NUP214: variants seen among roughly 807,000 people sequenced by gnomAD.
NUP214 encodes the protein nuclear pore complex protein Nup214.
NUP214 carries 79 observed loss-of-function variants against 196.2 expected under a neutral mutation model. That is an observed-to-expected ratio of 0.40 (90% CI 0.34 to 0.49). NUP214 has a LOEUF of 0.49. Ranked by LOEUF, NUP214 falls within the 20% of genes least tolerant of loss-of-function variation. The pLI is 0.58. For synonymous variants in NUP214, 1,020 were observed against 990.5 expected (o/e 1.03, Z -0.56); for missense variants, 2,468 against 2,539.0 (o/e 0.97, Z 0.60).
intron 13 of NUP214, 47 bp from the exon 14 acceptor site, chr9:131,147,443 A>G: frequency 7.5e-7 from 1 of 1,342,142 alleles, no homozygotes; most frequent in Non-Finnish European, 1.1e-6. Flanking sequence ...TAGGAGAAAT[A>G]AAGGTAATAA....
intron 32 of NUP214, among the ~76,000 whole-genome samples, chr9:131,226,398 G>A (rs1251590590): frequency 6.6e-6 from 1 of 152,002 alleles, no homozygotes; most frequent in African/African-American, 2.4e-5. Context: ...TGACCCAGGT[G>A]TGTTGTTTGG....
chr9:131,206,643 G>A (rs188281893), intron 30 of NUP214, among the ~76,000 whole-genome samples: 95 of 152,018 alleles, frequency 6.2e-4, no homozygotes, highest in African/African-American at 2.1e-3. Flanking sequence ...GGGTCTCACC[G>A]TATTGTCTAG....
intron 24 of NUP214, among the ~76,000 whole-genome samples, chr9:131,183,834 T>C (rs1436749752): frequency 1.3e-5 from 2 of 152,074 alleles, no homozygotes; most frequent in Non-Finnish European, 2.9e-5. Flanking sequence ...AAATGTATGA[T>C]TGTTATTTAC....
At chr9:131,220,401 A>C (rs965609477) in intron 31 of NUP214, among the ~76,000 whole-genome samples, 4 of 152,252 alleles carry the variant, frequency 2.6e-5, no homozygotes, top group Non-Finnish European at 5.9e-5. Flanking sequence ...AGTTTAAATC[A>C]ATGGTAAAAT....
intron 28 of NUP214, 160 bp downstream of exon 28, chr9:131,195,454 T>C: frequency 2.0e-6 from 1 of 496,134 alleles, no homozygotes; most frequent in Non-Finnish European, 3.6e-6. Flanking sequence ...ATGCTTAATT[T>C]AAGAAACTGA....
At chr9:131,219,773 G>T (rs773738498) in intron 31 of NUP214, among the ~76,000 whole-genome samples, 1 of 152,170 alleles carries the variant, frequency 6.6e-6, no homozygotes, top group African/African-American at 2.4e-5. Context: ...TGAAGAAGCC[G>T]TTTGATGATG....
chr9:131,233,930 T>C lies in NUP214; in HGVS notation c.*443T>C, dbSNP rs1317351247. The C allele has an allele frequency of 3.6e-6, 1 of 274,928 alleles. No individual in the cohort carries two copies. The highest frequency in any genetic ancestry group is 2.2e-5 in the African/African-American group (1 of 46,274). The allele number at this position is 274,928 out of a possible 1,614,324, so 17.0% of individuals were successfully genotyped here. On this transcript the variant is annotated 3_prime_UTR_variant, in exon 36 of 36. Coordinates refer to ENST00000359428, the MANE Select transcript of NUP214 (RefSeq NM_005085.4). The stretch of plus-strand genomic sequence containing the variant: ...GTTGAATGCTGGTGGGTCATCTTTT[T>C]GAGGCTGAAACTTGGTTATCTCCTC...
intron 17 of NUP214, among the ~76,000 whole-genome samples, chr9:131,157,958 T>G (rs1010884093): frequency 2.0e-5 from 3 of 152,184 alleles, no homozygotes; most frequent in Admixed American, 6.5e-5. Flanking sequence ...AATTTTTGTA[T>G]TTTTAGTAGA....
chr9:131,197,531 C>T lies in NUP214; in HGVS notation c.4037C>T (p.Thr1346Ile). The T allele has an allele frequency of 6.2e-7, 1 of 1,614,174 alleles. No homozygotes were observed. The highest frequency in any genetic ancestry group is 8.5e-7 in the Non-Finnish European group (1 of 1,180,028). ...CGGGTTGGCCAAGCAGATGATTCTA[C>T]AAAACCAACCAATAAGGCTTCATCC... ...GLRVGQADDS[T>I]KPTNKASSTS... The change falls in exon 29 of 36, where the codon ACA (threonine) becomes ATA (isoleucine). Residue 1346 changes from threonine to isoleucine, a missense_variant. Around this residue, in one of 5 missense-constraint regions of NUP214, gnomAD observed 1,801 missense variants for 1,779.4 expected, o/e 1.01. Coordinates refer to ENST00000359428, the MANE Select transcript of NUP214 (RefSeq NM_005085.4).
rs757856001 is a variant in NUP214 at position 131,130,137 on chromosome 9, G to GTTTTTTTTTTT, written c.593-626_593-616dup. ...GAGCAGGAGAATGATTTCTGGTTTT[G>GTTTTTTTTTTT]TTTTTTTTTTTTTGTTTTTTTTTTG... On this transcript the variant is annotated intron_variant, in intron 4 of 35. Transcript: ENST00000359428. Among the ~76,000 whole-genome samples, 116 of 76,924 alleles carry GTTTTTTTTTTT rather than the reference G, an allele frequency of 1.5e-3. 24 individuals carry two copies. Among genetic ancestry groups the GTTTTTTTTTTT allele is most frequent in the South Asian group, 4.5e-3 (8 of 1,782 alleles). The allele number at this position is 76,924 out of a possible 152,430, so 50.5% of individuals were successfully genotyped here.
chr9:131,135,505 C>G (rs150693309), intron 8 of NUP214, among the ~76,000 whole-genome samples: 2 of 152,260 alleles, frequency 1.3e-5, no homozygotes, highest in Admixed American at 1.3e-4. Context: ...ATACTAATTT[C>G]AAAAATCTAA....
chr9:131,163,790 T>C (rs987378650), intron 19 of NUP214, 80 bp from the exon 20 acceptor site: 7 of 940,168 alleles, frequency 7.4e-6, no homozygotes, highest in Non-Finnish European at 1.2e-5. Context: ...TGCATTTATA[T>C]TTAAGAGGAT....
Position 131,198,037 on chromosome 9 carries a change from G to A in NUP214, c.4543G>A (p.Ala1515Thr). 1 of 1,614,220 alleles carries A rather than the reference G, an allele frequency of 6.2e-7. No homozygotes were observed. The highest frequency in any genetic ancestry group is 1.1e-5 in the South Asian group (1 of 91,090). Residue 1515 changes from alanine to threonine, a missense_variant, in exon 29 of 36, where the codon GCC becomes ACC. By Grantham distance (58) the Ala-to-Thr change is moderately conservative. Coordinates refer to ENST00000359428, the MANE Select transcript of NUP214 (RefSeq NM_005085.4). ...PGDSEVSASA[A>T]SLLEEQQSAQ... is the part of the protein sequence containing the mutation. ...TGACAGTGAGGTCTCAGCATCAGCAGCCTCACTTCTAGAGGAGCAACAGTC... is the reference window on the plus strand; with the variant it reads ...TGACAGTGAGGTCTCAGCATCAGCAACCTCACTTCTAGAGGAGCAACAGTC...
chr9:131,146,171 G>T lies in NUP214; in HGVS notation c.1812G>T (p.Gln604His). Residue 604 changes from glutamine (Q) to histidine (H), a missense_variant, in exon 13 of 36, where the codon CAG becomes CAT. Physicochemically the swap from Gln to His is conservative, Grantham distance 24. Transcript: ENST00000359428. The surrounding 1 kb of genome is among the most constrained non-coding windows in gnomAD (Gnocchi z 4.6). ...CCTCTACTCCTGTTAGTAGCTCCCA[G>T]AGCGCACCCCCGATGTCGCCATTCT... ...AATSTPVSSSQSAPPMSPFSS... is the reference protein window; with the variant it reads ...AATSTPVSSSHSAPPMSPFSS... 1 of 1,614,106 alleles carries T rather than the reference G, an allele frequency of 6.2e-7. No homozygotes were observed. The highest frequency in any genetic ancestry group is 8.5e-7 in the Non-Finnish European group (1 of 1,180,028).
At chr9:131,158,436 C>T (rs890718294) in intron 17 of NUP214, among the ~76,000 whole-genome samples, 6 of 152,224 alleles carry the variant, frequency 3.9e-5, no homozygotes, top group Non-Finnish European at 7.4e-5. Context: ...GGTTAACAGT[C>T]GCCCAAAATT....
At chr9:131,174,447 C>CTTTTTTTTTTTTTTTTTTTTT (rs1299530269) in intron 22 of NUP214, 129 bp downstream of exon 22, 1 of 327,102 alleles carries the variant, frequency 3.1e-6, no homozygotes, top group Non-Finnish European at 5.0e-6. Flanking sequence ...TTTTTTTTTT[C>CTTTTTTTTTTTTTTTTTTTTT]TTTTTTTCTT....
In NUP214 at chr9:131,130,843, T is replaced by A. The variant is rs200398937; in HGVS notation, c.663+7T>A. 5.9e-4 allele frequency: 947 copies of A among 1,613,126 alleles called. 1 individual carries two copies. Among genetic ancestry groups the A allele is most frequent in the Non-Finnish European group, 6.9e-4 (814 of 1,179,262 alleles). On this transcript the variant is annotated splice_region_variant and intron_variant, in intron 5 of 35. Coordinates refer to ENST00000359428, the MANE Select transcript of NUP214 (RefSeq NM_005085.4). Reference sequence around the variant, plus strand: ...TGTGGTCCAGTATCTTCCTGTAAGTTCTTATCTTGAACTTCAGAATTTTTC... The same window carrying A: ...TGTGGTCCAGTATCTTCCTGTAAGTACTTATCTTGAACTTCAGAATTTTTC...
At chr9:131,230,036 G>A (rs1834834166) in intron 33 of NUP214, 1 of 289,716 alleles carries the variant, frequency 3.5e-6, no homozygotes, top group Non-Finnish European at 6.7e-6. Flanking sequence ...GCCACCTTGT[G>A]TGCTGGACCA....
intron 27 of NUP214, among the ~76,000 whole-genome samples, chr9:131,193,208 G>A (rs564632332): frequency 4.6e-5 from 7 of 152,180 alleles, no homozygotes; most frequent in Admixed American, 1.3e-4. Flanking sequence ...TGCCCTGAGC[G>A]CTCATGTTGA....
Sources: allele counts gnomAD v4.1 joint callset (sites outside exome capture counted in the v4.1 genomes callset), GRCh38; gene constraint gnomAD v4.1.1; regional missense constraint gnomAD v4.1.1; non-coding constraint Gnocchi (gnomAD v3.1); transcripts MANE v1.5; gene names NCBI Gene and HGNC (gene_info 2026-07-23, HGNC 2026-07-21).